Variants in BRINP3 observed in about 807,000 individuals in gnomAD.
BRINP3 encodes the protein BMP/retinoic acid inducible neural specific 3.
Under a neutral mutation model 71.0 loss-of-function variants are expected in BRINP3, and 19 were observed. The observed-to-expected ratio is 0.27, with a 90% CI of 0.19 to 0.39. The LOEUF (loss-of-function observed/expected upper bound fraction) is 0.39. Among genes scored for constraint, BRINP3 ranks in the 10% least tolerant of loss-of-function variants. BRINP3 has a pLI of 1.00. For synonymous variants in BRINP3, 380 were observed against 337.7 expected (o/e 1.13, Z -1.37); for missense variants, 959 against 940.8 (o/e 1.02, Z -0.25).
chr1:190,242,082 T>A (rs1009322117), intron 4 of BRINP3, among the ~76,000 whole-genome samples: 9 of 151,872 alleles, frequency 5.9e-5, no homozygotes, highest in South Asian at 2.1e-4. Context: ...GAAATATTTC[T>A]GAGCTTATTT....
intron 4 of BRINP3, among the ~76,000 whole-genome samples, chr1:190,236,899 C>G (rs1348516967): frequency 6.6e-6 from 1 of 151,824 alleles, no homozygotes; most frequent in Non-Finnish European, 1.5e-5. Context: ...CACACGCCTG[C>G]CTTTTTTAGA....
chr1:190,145,541 T>C (rs2102403653), intron 7 of BRINP3, among the ~76,000 whole-genome samples: 1 of 152,264 alleles, frequency 6.6e-6, no homozygotes, highest in Non-Finnish European at 1.5e-5. Flanking sequence ...GGGAAGAATT[T>C]CATTTTTAAA....
At chr1:190,193,453 G>C (rs1654219194) in intron 6 of BRINP3, among the ~76,000 whole-genome samples, 1 of 152,042 alleles carries the variant, frequency 6.6e-6, no homozygotes, top group African/African-American at 2.4e-5. Flanking sequence ...TGAGTATAAA[G>C]AGAGTTATCA....
chr1:190,319,744 C>T (rs1161587242), intron 2 of BRINP3, among the ~76,000 whole-genome samples: 2 of 152,014 alleles, frequency 1.3e-5, no homozygotes, highest in South Asian at 4.1e-4. Flanking sequence ...GTGTGTCAAA[C>T]CATGAGAAAC....
chr1:190,434,886 C>T (rs1674353116), intron 2 of BRINP3, among the ~76,000 whole-genome samples: 1 of 152,056 alleles, frequency 6.6e-6, no homozygotes, highest in African/African-American at 2.4e-5. Flanking sequence ...CTAACTAATG[C>T]CTTTGCCCCT....
chr1:190,123,532 T>C (rs1165046346), intron 7 of BRINP3, among the ~76,000 whole-genome samples: 1 of 152,188 alleles, frequency 6.6e-6, no homozygotes, highest in Non-Finnish European at 1.5e-5. Context: ...TGTCTGTAAG[T>C]ACTTAGTACA....
chr1:190,112,627 T>A (rs1438892267), intron 7 of BRINP3, among the ~76,000 whole-genome samples: 1 of 152,188 alleles, frequency 6.6e-6, no homozygotes. Context: ...TACTTTTTCC[T>A]TTTCTAAAGA....
intron 7 of BRINP3, among the ~76,000 whole-genome samples, chr1:190,145,126 A>T (rs1344504261): frequency 6.6e-6 from 1 of 152,034 alleles, no homozygotes; most frequent in East Asian, 1.9e-4. Context: ...TAAATTATTA[A>T]CTCATAATTT....
intron 2 of BRINP3, among the ~76,000 whole-genome samples, chr1:190,417,947 C>T (rs1175184633): frequency 6.6e-6 from 1 of 152,088 alleles, no homozygotes; most frequent in Non-Finnish European, 1.5e-5. Context: ...AGCCAGATAA[C>T]ACATGATATA....
chr1:190,410,643 A>G (rs1672601683), intron 2 of BRINP3, among the ~76,000 whole-genome samples: 1 of 152,128 alleles, frequency 6.6e-6, no homozygotes, highest in African/African-American at 2.4e-5. Context: ...ATAGAATAAG[A>G]AAAGAAGACT....
Position 190,276,818 on chromosome 1 carries a change from G to A in BRINP3, c.427+4742C>T, listed in dbSNP as rs892836006. On this transcript the variant is annotated intron_variant, in intron 3 of 7. Transcript: ENST00000367462. ...AAACAAAATTAAATATCTAAAAAAT[G>A]CTTAAGTTTAGCCATAGAGTAATCA... is the stretch of plus-strand genomic sequence containing the variant. Among the ~76,000 whole-genome samples the A allele has an allele frequency of 5.3e-5, 8 of 150,790 alleles. No homozygotes were observed. In the East Asian group the frequency reaches 1.2e-3, roughly 22 times the overall value.
At chr1:190,417,926 A>C (rs1673115666) in intron 2 of BRINP3, among the ~76,000 whole-genome samples, 1 of 152,210 alleles carries the variant, frequency 6.6e-6, no homozygotes, top group African/African-American at 2.4e-5. Flanking sequence ...GATTCTGATC[A>C]ATTTAAAGGC....
At chr1:190,424,447 A>C (rs1473434388) in intron 2 of BRINP3, among the ~76,000 whole-genome samples, 1 of 151,652 alleles carries the variant, frequency 6.6e-6, no homozygotes, top group African/African-American at 2.4e-5. Flanking sequence ...AAATACAGTG[A>C]GGAAAAGTGG....
chr1:190,144,619 C>A (rs1655732541), intron 7 of BRINP3, among the ~76,000 whole-genome samples: 1 of 151,834 alleles, frequency 6.6e-6, no homozygotes, highest in African/African-American at 2.4e-5. Flanking sequence ...GATTGGCTTC[C>A]ATAGTTTCTT....
intron 2 of BRINP3, among the ~76,000 whole-genome samples, chr1:190,316,306 G>A (rs887159733): frequency 3.4e-4 from 51 of 152,094 alleles, no homozygotes; most frequent in African/African-American, 1.2e-3. Flanking sequence ...TTTTAGAGGT[G>A]AGAAATCTGA....
intron 7 of BRINP3, among the ~76,000 whole-genome samples, chr1:190,157,603 G>T (rs1411255729): frequency 6.6e-6 from 1 of 151,964 alleles, no homozygotes; most frequent in African/African-American, 2.4e-5. Context: ...GTATTACATG[G>T]TTTTCAAATT....
chr1:190,419,057 T>C (rs1175298557), intron 2 of BRINP3, among the ~76,000 whole-genome samples: 1 of 152,132 alleles, frequency 6.6e-6, no homozygotes, highest in Non-Finnish European at 1.5e-5. Flanking sequence ...AGATACCATT[T>C]ATAAGCTGGA....
intron 7 of BRINP3, among the ~76,000 whole-genome samples, chr1:190,147,205 A>G (rs1275085186): frequency 6.6e-6 from 1 of 152,116 alleles, no homozygotes; most frequent in Non-Finnish European, 1.5e-5. Context: ...ACTAACAAGC[A>G]TATTTTATTG....
chr1:190,293,443 C>A (rs1407179854), intron 2 of BRINP3, among the ~76,000 whole-genome samples: 1 of 152,080 alleles, frequency 6.6e-6, no homozygotes, highest in African/African-American at 2.4e-5. Context: ...CTTTACATAT[C>A]ATCTATCCTG....
Sources: allele counts gnomAD v4.1 joint callset (sites outside exome capture counted in the v4.1 genomes callset), GRCh38; gene constraint gnomAD v4.1.1; transcripts MANE v1.5; gene names NCBI Gene and HGNC (gene_info 2026-07-23, HGNC 2026-07-21).